The following GPR149 variants were observed in gnomAD, a reference collection of about 807,000 sequenced individuals.
GPR149 encodes the protein probable G protein-coupled receptor 149.
In GPR149, 50 loss-of-function variants were observed where a neutral mutation model predicts 50.2. The ratio of observed to expected loss-of-function variants is 1.00; its 90% CI spans 0.79 to 1.26. The LOEUF is 1.26. Among genes scored for constraint, GPR149 ranks in the 50% most tolerant of loss-of-function variants. The pLI is 0.00. For missense variants in GPR149, 983 were observed against 895.4 expected (o/e 1.10, Z -1.25); for synonymous variants, 405 against 358.2 (o/e 1.13, Z -1.48).
chr3:154,392,781 T>C (rs1483894740), intron 3 of GPR149, among the ~76,000 whole-genome samples: 1 of 151,694 alleles, frequency 6.6e-6, no homozygotes, highest in Admixed American at 6.6e-5. Context: ...AATAAAAAGA[T>C]TGTAAAAAAC....
At chr3:154,371,569 A>C (rs141532002) in intron 3 of GPR149, among the ~76,000 whole-genome samples, 127 of 152,286 alleles carry the variant, frequency 8.3e-4, no homozygotes, top group Non-Finnish European at 1.4e-3. Flanking sequence ...CCAACTCCCT[A>C]GTGACCCTAC....
At chr3:154,369,038 A>G (rs1272153157) in intron 3 of GPR149, among the ~76,000 whole-genome samples, 1 of 152,236 alleles carries the variant, frequency 6.6e-6, no homozygotes, top group East Asian at 1.9e-4. Flanking sequence ...TAAATCCGGT[A>G]CATGGAGGGC....
intron 3 of GPR149, 102 bp downstream of exon 3, chr3:154,420,937 T>G: frequency 4.9e-6 from 4 of 809,274 alleles, no homozygotes; most frequent in Middle Eastern, 4.7e-4. Flanking sequence ...GTGAAGTTAA[T>G]GTTGGGCTTG....
intron 3 of GPR149, among the ~76,000 whole-genome samples, chr3:154,342,095 G>A (rs1713811932): frequency 6.6e-6 from 1 of 152,130 alleles, no homozygotes; most frequent in Admixed American, 6.5e-5. Context: ...AGTGCTGAGT[G>A]AATAAGACCT....
rs190204783 is a variant in GPR149, at chr3:154,362,486, A to G, written c.1624-24215T>C. Among the ~76,000 whole-genome samples the G allele has an allele frequency of 6.3e-4, 96 of 152,294 alleles. 1 individual carries two copies. Among genetic ancestry groups the G allele is most frequent in the African/African-American group, 2.2e-3 (90 of 41,562 alleles). On this transcript the variant is annotated intron_variant, in intron 3 of 3. Coordinates refer to ENST00000389740, the MANE Select transcript of GPR149 (RefSeq NM_001038705.3). ...TTTTTGTTAGCTGAAACACTTAAAA[A>G]CTATTAAAAATATCAAAACTTCAGG...
At chr3:154,372,863 G>A (rs534312278) in intron 3 of GPR149, among the ~76,000 whole-genome samples, 35 of 152,312 alleles carry the variant, frequency 2.3e-4, no homozygotes, top group Admixed American at 5.2e-4. Context: ...ATTATTTTCA[G>A]AGACAGGAAA....
At chr3:154,414,092 T>C (rs571585484) in intron 3 of GPR149, among the ~76,000 whole-genome samples, 19 of 152,080 alleles carry the variant, frequency 1.2e-4, no homozygotes, top group African/African-American at 4.6e-4. Flanking sequence ...TTCTCATTCA[T>C]ATGTGTGAGT....
intron 3 of GPR149, among the ~76,000 whole-genome samples, chr3:154,360,683 G>T (rs959311224): frequency 1.3e-5 from 2 of 152,088 alleles, no homozygotes; most frequent in African/African-American, 4.8e-5. Flanking sequence ...CTACTCCAGG[G>T]ATCGGAGATA....
chr3:154,395,406 T>C (rs1211702137), intron 3 of GPR149, among the ~76,000 whole-genome samples: 2 of 148,320 alleles, frequency 1.3e-5, no homozygotes, highest in Non-Finnish European at 3.0e-5. Context: ...GTAAACAAAA[T>C]ATGATTCTAA....
chr3:154,391,201 T>G (rs1715161529), intron 3 of GPR149, among the ~76,000 whole-genome samples: 1 of 151,462 alleles, frequency 6.6e-6, no homozygotes, highest in Non-Finnish European at 1.5e-5. Context: ...CTTTTAATCA[T>G]AATATAAAAA....
intron 3 of GPR149, chr3:154,353,403 G>A: frequency 8.4e-7 from 1 of 1,189,834 alleles, no homozygotes; most frequent in African/African-American, 1.5e-5. Flanking sequence ...AGTTTTGTAG[G>A]ATTTGTGAAT....
At position 154,421,500 on chromosome 3, in the gene GPR149, A is replaced by G. The variant is rs747312953; in HGVS notation, c.1175-13T>C. ...CCTTTTCTCTTGACTGAGTAAAAAT[A>G]AAAACAACAGTTTATGGCTAGTAAG... On this transcript the variant is annotated splice_polypyrimidine_tract_variant and intron_variant, in intron 2 of 3. Transcript: ENST00000389740. The G allele has an allele frequency of 4.9e-6, 7 of 1,439,598 alleles. No individual in the cohort carries two copies. Among genetic ancestry groups the G allele is most frequent in the Non-Finnish European group, 6.6e-6 (7 of 1,064,178 alleles). The allele number at this position is 1,439,598 out of a possible 1,614,324, so 89.2% of individuals were successfully genotyped here.
chr3:154,365,958 T>A (rs1714522279), intron 3 of GPR149, among the ~76,000 whole-genome samples: 1 of 152,210 alleles, frequency 6.6e-6, no homozygotes, highest in Non-Finnish European at 1.5e-5. Context: ...ATCTAGGCTT[T>A]TTCTAGCACG....
intron 3 of GPR149, among the ~76,000 whole-genome samples, chr3:154,357,430 T>C (rs1714265486): frequency 6.6e-6 from 1 of 151,800 alleles, no homozygotes; most frequent in South Asian, 2.1e-4. Context: ...CGCAACCTAC[T>C]CATCTGACAA....
At position 154,337,598 on chromosome 3, in the gene GPR149, T is replaced by C; in HGVS notation, c.*101A>G. ...TTAACTATTAAATCAGTAAAACTAATGTAAGCCAACAAATAAAAGGAAATC... is the reference window on the plus strand; with the variant it reads ...TTAACTATTAAATCAGTAAAACTAACGTAAGCCAACAAATAAAAGGAAATC... On this transcript the variant is annotated 3_prime_UTR_variant, in exon 4 of 4. Transcript: ENST00000389740. 3 of 970,962 alleles carry C rather than the reference T, an allele frequency of 3.1e-6. No homozygotes were observed. Among genetic ancestry groups the C allele is most frequent in the South Asian group, 3.9e-5 (2 of 51,900 alleles). The allele number at this position is 970,962 out of a possible 1,614,324, so 60.1% of individuals were successfully genotyped here. A position where few individuals can be genotyped will look rare whatever the true frequency, so the allele number is the denominator to read the frequency against.
At chr3:154,343,843 A>T (rs1469047174) in intron 3 of GPR149, among the ~76,000 whole-genome samples, 1 of 151,906 alleles carries the variant, frequency 6.6e-6, no homozygotes, top group African/African-American at 2.4e-5. Flanking sequence ...TGGGCATGGT[A>T]GTGTGTGTTT....
intron 3 of GPR149, among the ~76,000 whole-genome samples, chr3:154,377,738 AG>A (rs1714826778): frequency 6.6e-6 from 1 of 152,288 alleles, no homozygotes; most frequent in East Asian, 1.9e-4. Flanking sequence ...CTCATTGTAA[AG>A]AGTGCAGTTC....
At chr3:154,428,010 T>A (rs982818679) in intron 1 of GPR149, among the ~76,000 whole-genome samples, 2 of 152,176 alleles carry the variant, frequency 1.3e-5, no homozygotes, top group Admixed American at 6.5e-5. Context: ...GAAACAGGCG[T>A]CCGTGAAACC....
intron 3 of GPR149, among the ~76,000 whole-genome samples, chr3:154,412,432 C>T (rs1156595823): frequency 2.0e-5 from 3 of 152,114 alleles, no homozygotes; most frequent in East Asian, 1.9e-4. Flanking sequence ...AAAACCCTAA[C>T]GACTCATCTA....
Sources: gnomAD v4.1 joint callset for allele counts (sites outside exome capture counted in the v4.1 genomes callset) on GRCh38, gnomAD v4.1.1 for gene constraint, MANE v1.5 for transcripts, NCBI Gene and HGNC (gene_info 2026-07-23, HGNC 2026-07-21) for gene names.